The following CCSER1 variants were observed in gnomAD, a reference collection of about 807,000 sequenced individuals.
The protein encoded by CCSER1 is serine-rich coiled-coil domain-containing protein 1.
In CCSER1, 41 loss-of-function variants were observed where a neutral mutation model predicts 82.0. That is an observed-to-expected ratio of 0.50 (90% CI 0.39 to 0.65). The LOEUF (loss-of-function observed/expected upper bound fraction) is 0.65, where lower values mean the gene tolerates loss of function less well. Among genes scored for constraint, CCSER1 ranks in the 30% least tolerant of loss-of-function variants. The pLI, the probability that CCSER1 is intolerant of heterozygous loss-of-function variation, is 0.00. For missense variants in CCSER1, 1,119 were observed against 1,064.2 expected, an observed-to-expected ratio of 1.05 and a Z score of -0.72; for synonymous variants, 414 against 383.9, an observed-to-expected ratio of 1.08 and a Z score of -0.92.
intron 6 of CCSER1, among the ~76,000 whole-genome samples, chr4:90,662,514 G>A (rs767623273): frequency 2.3e-4 from 35 of 151,980 alleles, no homozygotes; most frequent in Non-Finnish European, 4.6e-4. Flanking sequence ...ATAAAATAAT[G>A]AAAAGTAAAT....
intron 7 of CCSER1, among the ~76,000 whole-genome samples, chr4:90,793,946 T>C (rs11946902): frequency 1.3e-5 from 2 of 151,978 alleles, no homozygotes; most frequent in Non-Finnish European, 2.9e-5. Flanking sequence ...TATGATTGTT[T>C]GCTGAATGTA....
chr4:91,033,906 G>T (rs1247402934), intron 9 of CCSER1, among the ~76,000 whole-genome samples: 2 of 152,116 alleles, frequency 1.3e-5, no homozygotes, highest in East Asian at 1.9e-4. Flanking sequence ...GAGACAATTT[G>T]CTTTTTTTGA....
intron 8 of CCSER1, among the ~76,000 whole-genome samples, chr4:90,832,640 A>G (rs185071431): frequency 6.6e-6 from 1 of 152,308 alleles, no homozygotes; most frequent in East Asian, 1.9e-4. Context: ...TTGTCAGTTT[A>G]AAATCTGCAG....
In CCSER1 at chr4:90,923,374, A is replaced by G. The variant is rs1218702040; in HGVS notation, c.2099A>G (p.Lys700Arg). The G allele has an allele frequency of 6.4e-7, 1 of 1,551,236 alleles. No individual in the cohort carries two copies. The highest frequency in any genetic ancestry group is 1.2e-5 in the South Asian group (1 of 84,058). ...LISQLQEELG[K>R]VRHLQKAFAS... ...TGCTGTTTTTTCATTTTGCAGGGAA[A>G]AGTCCGGCATTTACAGAAGGCTTTT... The change falls in exon 9 of 11, where the codon AAA becomes AGA. Residue 700 changes from lysine to arginine, a missense_variant. By Grantham distance (26) the Lys-to-Arg change is conservative (BLOSUM62 2). Coordinates refer to ENST00000509176, the MANE Select transcript of CCSER1 (RefSeq NM_001145065.2).
chr4:90,835,326 G>A lies in CCSER1; in HGVS notation c.2094+19481G>A, dbSNP rs554790106. Among the ~76,000 whole-genome samples, 7 of 152,146 alleles carry A rather than the reference G, an allele frequency of 4.6e-5. No individual in the cohort carries two copies. The East Asian group carries it at 1.4e-3, about 29-fold the overall frequency. ...AGCCCGGGCGACAGAGCCAAACTCC[G>A]TCTCAAAATTAAAATAAAATGAAAT... is the stretch of plus-strand genomic sequence containing the variant. On this transcript the variant is annotated intron_variant, in intron 8 of 10. Coordinates refer to ENST00000509176, the MANE Select transcript of CCSER1 (RefSeq NM_001145065.2).
intron 1 of CCSER1, among the ~76,000 whole-genome samples, chr4:90,286,393 A>G (rs573042930): frequency 6.6e-6 from 1 of 152,192 alleles, no homozygotes; most frequent in African/African-American, 2.4e-5. Context: ...GATTTCACAT[A>G]AGGTGACAAT....
At chr4:90,299,372 T>C (rs1274194411) in intron 1 of CCSER1, among the ~76,000 whole-genome samples, 1 of 152,158 alleles carries the variant, frequency 6.6e-6, no homozygotes, top group African/African-American at 2.4e-5. Flanking sequence ...TTATTTGTTT[T>C]GGTTATTATG....
At chr4:90,616,724 C>T (rs1232733468) in intron 5 of CCSER1, among the ~76,000 whole-genome samples, 10 of 111,346 alleles carry the variant, frequency 9.0e-5, no homozygotes, top group African/African-American at 4.0e-4. Flanking sequence ...CACACACACA[C>T]ACACACACAC....
intron 10 of CCSER1, among the ~76,000 whole-genome samples, chr4:91,524,731 C>T (rs561488905): frequency 5.3e-5 from 8 of 152,036 alleles, no homozygotes; most frequent in South Asian, 2.1e-4. Context: ...GTGATTACAC[C>T]GCAGAAAACA....
chr4:91,085,887 T>A (rs1280542809), intron 9 of CCSER1, 63 bp from the exon 10 acceptor site: 3 of 908,040 alleles, frequency 3.3e-6, no homozygotes, highest in Non-Finnish European at 5.2e-6. Flanking sequence ...ATTATTGCAC[T>A]AATATGAATT....
chr4:90,288,795 A>G (rs1331314903), intron 1 of CCSER1, among the ~76,000 whole-genome samples: 1 of 151,954 alleles, frequency 6.6e-6, no homozygotes, highest in African/African-American at 2.4e-5. Context: ...CATCTTCCTC[A>G]TGTTTCTTTC....
chr4:91,444,429 T>C (rs1755415914), intron 10 of CCSER1, among the ~76,000 whole-genome samples: 1 of 145,780 alleles, frequency 6.9e-6, no homozygotes, highest in Non-Finnish European at 1.5e-5. Context: ...TGAGCACAAA[T>C]CATTTTTTTT....
At chr4:90,396,607 C>T (rs534750960) in intron 3 of CCSER1, among the ~76,000 whole-genome samples, 20 of 152,128 alleles carry the variant, frequency 1.3e-4, no homozygotes, top group African/African-American at 4.6e-4. Flanking sequence ...TCAACAGTCT[C>T]AAATTATTCT....
rs563591446 is a variant in CCSER1, at chr4:90,382,290, A to C, written c.1510-17746A>C. On this transcript the variant is annotated intron_variant, in intron 3 of 10. Coordinates refer to ENST00000509176, the MANE Select transcript of CCSER1 (RefSeq NM_001145065.2). ...CATTTTAGATGAAATGAATATTGAC[A>C]TGTATATATTTATGAATACATTTAT... Among the ~76,000 whole-genome samples the C allele has an allele frequency of 1.2e-4, 19 of 152,188 alleles. No homozygotes were observed. In the South Asian group the frequency reaches 1.9e-3, roughly 15 times the overall value.
At chr4:91,063,871 T>C (rs890408905) in intron 9 of CCSER1, among the ~76,000 whole-genome samples, 1 of 152,202 alleles carries the variant, frequency 6.6e-6, no homozygotes, top group Non-Finnish European at 1.5e-5. Context: ...GAATTGGTTC[T>C]CAATGACATT....
chr4:90,909,841 A>G (rs1031636670), intron 8 of CCSER1, among the ~76,000 whole-genome samples: 2 of 152,226 alleles, frequency 1.3e-5, no homozygotes, highest in Admixed American at 6.5e-5. Flanking sequence ...ATATACTGCA[A>G]TGTACTCTTT....
chr4:90,797,134 T>A (rs1756146890), intron 7 of CCSER1, among the ~76,000 whole-genome samples: 1 of 152,214 alleles, frequency 6.6e-6, no homozygotes. Context: ...TTTGAAGGTC[T>A]CCAATAACTT....
intron 10 of CCSER1, among the ~76,000 whole-genome samples, chr4:91,211,350 T>C (rs528673693): frequency 6.6e-6 from 1 of 152,170 alleles, no homozygotes; most frequent in African/African-American, 2.4e-5. Flanking sequence ...AGACAGTGTT[T>C]GGCTTGGGAT....
intron 10 of CCSER1, among the ~76,000 whole-genome samples, chr4:91,354,556 T>A (rs1181425954): frequency 6.6e-6 from 1 of 152,226 alleles, no homozygotes; most frequent in Non-Finnish European, 1.5e-5. Flanking sequence ...GTAACTGTTT[T>A]TGTGGTACCA....
Sources: gnomAD v4.1 joint callset for allele counts (sites outside exome capture counted in the v4.1 genomes callset) on GRCh38, gnomAD v4.1.1 for gene constraint, MANE v1.5 for transcripts, NCBI Gene and HGNC (gene_info 2026-07-23, HGNC 2026-07-21) for gene names.